The following ST7 variants were observed in gnomAD, a reference collection of about 807,000 sequenced individuals.
ST7 encodes the protein suppressor of tumorigenicity 7 protein.
Under a neutral mutation model 78.7 loss-of-function variants are expected in ST7, and 28 were observed. That is an observed-to-expected ratio of 0.36 (90% CI 0.26 to 0.49). The LOEUF is 0.49. ST7 is among the 20% of genes least tolerant of loss of function. ST7 has a pLI of 0.99. For synonymous variants in ST7, 247 were observed against 249.6 expected (o/e 0.99, Z 0.10); for missense variants, 418 against 696.0 (o/e 0.60, Z 4.49).
intron 1 of ST7, among the ~76,000 whole-genome samples, chr7:116,989,761 C>G (rs375983773): frequency 1.4e-4 from 22 of 152,174 alleles, no homozygotes; most frequent in African/African-American, 5.3e-4. Flanking sequence ...ATCATTTGAG[C>G]CCAGGAGTTC....
Position 117,187,355 on chromosome 7 carries a change from AT to A in ST7, c.1079-1958del, listed in dbSNP as rs564267395. ...ATATTGATTAAAATATATTTTGGTT[AT>A]TTTTTTTAAGCATTTTTCTTGTGCA... On this transcript the variant is annotated intron_variant, in intron 10 of 15. Transcript: ENST00000323984. 2.1e-4 allele frequency among the ~76,000 whole-genome samples: 32 copies of A among 152,076 alleles called. No homozygotes were observed. The South Asian group carries it at 3.7e-3, about 18-fold the overall frequency.
intron 1 of ST7, among the ~76,000 whole-genome samples, chr7:116,987,676 G>A (rs548636766): frequency 7.2e-5 from 11 of 152,160 alleles, no homozygotes; most frequent in Non-Finnish European, 7.3e-5. Context: ...TCTTGTTCAC[G>A]TCTGGCATCA....
At chr7:117,215,989 G>C (rs1792662251) in intron 13 of ST7, among the ~76,000 whole-genome samples, 1 of 152,018 alleles carries the variant, frequency 6.6e-6, no homozygotes, top group Non-Finnish European at 1.5e-5. Flanking sequence ...AGTAGGTAGA[G>C]TAAGAAGAGG....
chr7:117,047,205 T>C (rs1797535820), intron 1 of ST7, among the ~76,000 whole-genome samples: 1 of 152,222 alleles, frequency 6.6e-6, no homozygotes, highest in Non-Finnish European at 1.5e-5. Flanking sequence ...GAGTGATTCC[T>C]ACCACTCATC....
At chr7:117,227,998 A>G (rs1477230759) in intron 15 of ST7, among the ~76,000 whole-genome samples, 2 of 152,028 alleles carry the variant, frequency 1.3e-5, no homozygotes, top group Non-Finnish European at 2.9e-5. Flanking sequence ...TTTGAACTCT[A>G]CTTCTTCTAA....
At chr7:117,024,496 G>A (rs1353157264) in intron 1 of ST7, among the ~76,000 whole-genome samples, 1 of 152,174 alleles carries the variant, frequency 6.6e-6, no homozygotes, top group Non-Finnish European at 1.5e-5. Flanking sequence ...ATCTTCCAAA[G>A]CACCTACCTT....
At chr7:116,968,327 C>T (rs1793244264) in intron 1 of ST7, 1 of 194,478 alleles carries the variant, frequency 5.1e-6, no homozygotes, top group African/African-American at 4.0e-5. Context: ...TTCCTTCCTT[C>T]CTTTCCTCCC....
chr7:117,003,576 C>T (rs1487818792), intron 1 of ST7, among the ~76,000 whole-genome samples: 5 of 151,980 alleles, frequency 3.3e-5, no homozygotes, highest in African/African-American at 7.3e-5. Context: ...TGAGCCACTG[C>T]GCCTGGCCAT....
At chr7:117,122,176 A>C (rs1803439167) in intron 3 of ST7, among the ~76,000 whole-genome samples, 1 of 152,210 alleles carries the variant, frequency 6.6e-6, no homozygotes, top group Non-Finnish European at 1.5e-5. Flanking sequence ...GAAACATGGC[A>C]TGTTCGAGAA....
chr7:116,964,576 T>C (rs1793008960), intron 1 of ST7, among the ~76,000 whole-genome samples: 1 of 152,232 alleles, frequency 6.6e-6, no homozygotes, highest in African/African-American at 2.4e-5. Flanking sequence ...ATCTTGTATT[T>C]AAAGCAAAAT....
chr7:116,956,263 A>G (rs1792474394), intron 1 of ST7, among the ~76,000 whole-genome samples: 1 of 152,174 alleles, frequency 6.6e-6, no homozygotes, highest in African/African-American at 2.4e-5. Context: ...CCCCTTTGGG[A>G]AAAAGTTTCT....
intron 9 of ST7, among the ~76,000 whole-genome samples, chr7:117,159,586 T>C (rs1298336256): frequency 6.6e-6 from 1 of 152,248 alleles, no homozygotes; most frequent in Admixed American, 6.5e-5. Context: ...GCCTTTATCA[T>C]ATGCTTTCAT....
intron 12 of ST7, among the ~76,000 whole-genome samples, chr7:117,196,619 T>C (rs892053720): frequency 3.6e-5 from 5 of 139,496 alleles, no homozygotes; most frequent in Non-Finnish European, 7.5e-5. Context: ...AATCAGATTG[T>C]TGGGCTTTTT....
intron 9 of ST7, among the ~76,000 whole-genome samples, chr7:117,143,918 AC>A (rs1805535633): frequency 6.6e-6 from 1 of 152,234 alleles, no homozygotes; most frequent in Non-Finnish European, 1.5e-5. Context: ...GCTAATATAG[AC>A]TAATAGTTCT....
At chr7:116,975,727 A>G (rs1410120594) in intron 1 of ST7, among the ~76,000 whole-genome samples, 1 of 151,510 alleles carries the variant, frequency 6.6e-6, no homozygotes, top group East Asian at 1.9e-4. Context: ...TTTCTTTGAA[A>G]TTTATATGGA....
intron 1 of ST7, among the ~76,000 whole-genome samples, chr7:117,023,805 C>CGTGTGT (rs369099100): frequency 6.8e-6 from 1 of 146,390 alleles, no homozygotes; most frequent in South Asian, 2.2e-4. Flanking sequence ...CGTGTGTGTG[C>CGTGTGT]GTGTGTGTGT....
chr7:116,973,245 GTCTC>G (rs375519238), intron 1 of ST7, among the ~76,000 whole-genome samples: 1 of 151,526 alleles, frequency 6.6e-6, no homozygotes, highest in East Asian at 1.9e-4. Context: ...CTTGTCCTCT[GTCTC>G]TCTCTCTCTT....
intron 15 of ST7, 124 bp from the exon 16 acceptor site, chr7:117,229,638 A>G: frequency 1.3e-6 from 1 of 755,954 alleles, no homozygotes; most frequent in Non-Finnish European, 2.2e-6. Context: ...ATAAAGATGA[A>G]ATGGTTGCCT....
At chr7:117,129,922 G>A (rs1464867842) in intron 4 of ST7, 75 bp downstream of exon 4, 1 of 1,177,900 alleles carries the variant, frequency 8.5e-7, no homozygotes, top group African/African-American at 1.6e-5. Context: ...GTTTTTGCTG[G>A]TTCATTTAGG....
Sources: gnomAD v4.1 joint callset for allele counts (sites outside exome capture counted in the v4.1 genomes callset) on GRCh38, gnomAD v4.1.1 for gene constraint, MANE v1.5 for transcripts, NCBI Gene and HGNC (gene_info 2026-07-23, HGNC 2026-07-21) for gene names.